The following BFSP1 variants were observed in gnomAD, a reference collection of about 807,000 sequenced individuals.
The protein encoded by BFSP1 is beaded filament structural protein 1, also known as filensin.
A neutral mutation model predicts 43.9 loss-of-function variants in BFSP1; 38 were observed. The observed-to-expected ratio is 0.87, with a 90% CI of 0.67 to 1.14. BFSP1 has a LOEUF of 1.14. Ranked by LOEUF, BFSP1 falls within the 50% of genes most tolerant of loss-of-function variation. The probability of loss-of-function intolerance (pLI) is 0.00; values close to 1 mark genes in which losing one functional copy is unlikely to be tolerated. For missense variants in BFSP1, 850 were observed against 875.1 expected (o/e 0.97, Z 0.36); for synonymous variants, 352 against 354.8 (o/e 0.99, Z 0.09).
chr20:17,520,210 G>GCGCCCCC (rs201615265), intron 2 of BFSP1, among the ~76,000 whole-genome samples: 3 of 133,356 alleles, frequency 2.2e-5, no homozygotes, highest in African/African-American at 8.9e-5. Context: ...GTTTTAACGT[G>GCGCCCCC]CCCCCCCACC....
rs373485156 is a variant in BFSP1, at chr20:17,507,272, GGT to G, written c.735+1615_735+1616del. 0.086 allele frequency among the ~76,000 whole-genome samples: 12,040 copies of G among 140,532 alleles called. 522 individuals are homozygous for G. Among genetic ancestry groups the G allele is most frequent in the African/African-American group, 0.11 (4,186 of 37,826 alleles). 92.2% of individuals were successfully genotyped at this position (140,532 alleles called of 152,430 possible). On this transcript the variant is annotated intron_variant, in intron 5 of 7. Coordinates refer to ENST00000377873, the MANE Select transcript of BFSP1 (RefSeq NM_001195.5). This position sits in a 1 kb window ranked among gnomAD's most constrained non-coding sequence, Gnocchi z 4.4. ...GCGAGCCATACACATCAGATAGGTA[GGT>G]GTGTGTGTGTGTGTGTGTGTGTGTG...
chr20:17,499,735 A>C (rs1316988160), intron 5 of BFSP1, among the ~76,000 whole-genome samples: 1 of 152,168 alleles, frequency 6.6e-6, no homozygotes, highest in East Asian at 1.9e-4. Flanking sequence ...CAGCCTGGCC[A>C]ACATAGTGAA....
intron 6 of BFSP1, among the ~76,000 whole-genome samples, chr20:17,497,459 TACAC>T (rs34512937): frequency 6.9e-6 from 1 of 144,932 alleles, no homozygotes; most frequent in African/African-American, 2.6e-5. Flanking sequence ...TATATATATA[TACAC>T]ACACACACGT....
At chr20:17,496,577 C>T (rs750232595) in intron 7 of BFSP1, among the ~76,000 whole-genome samples, 3 of 152,190 alleles carry the variant, frequency 2.0e-5, no homozygotes, top group South Asian at 2.1e-4. Flanking sequence ...TACTGCCGAG[C>T]GGAGGGAGCA....
At chr20:17,498,112 G>A (rs1218432405) in intron 6 of BFSP1, among the ~76,000 whole-genome samples, 1 of 152,196 alleles carries the variant, frequency 6.6e-6, no homozygotes. Context: ...TGCTCCTGGT[G>A]GGGACCTCAG....
intron 6 of BFSP1, among the ~76,000 whole-genome samples, chr20:17,498,388 G>A (rs2033706884): frequency 6.6e-6 from 1 of 152,182 alleles, no homozygotes; most frequent in Non-Finnish European, 1.5e-5. Context: ...GAGGATGGCA[G>A]CAGGAGCATC....
At chr20:17,568,474 C>G (rs569299099) in intron 1 of BFSP1, among the ~76,000 whole-genome samples, 1 of 152,018 alleles carries the variant, frequency 6.6e-6, no homozygotes, top group Non-Finnish European at 1.5e-5. Context: ...GGTTCCTTCT[C>G]AGTTCAGGAG....
chr20:17,539,219 A>T (rs60584985), intron 1 of BFSP1, among the ~76,000 whole-genome samples: 24,929 of 144,198 alleles, frequency 0.17, 2,991 homozygotes, highest in East Asian at 0.36. Flanking sequence ...CAAGCGACTC[A>T]CCCACCTCAG....
Position 17,524,847 on chromosome 20 carries a change from C to T in BFSP1, c.438+1G>A, listed in dbSNP as rs767722751. 5 of 1,613,850 alleles carry T rather than the reference C, an allele frequency of 3.1e-6. No individual in the cohort carries two copies. The highest frequency in any genetic ancestry group is 4.2e-6 in the Non-Finnish European group (5 of 1,179,852). ...TAAACCCAAGGATGTGTTCCGCTCA[C>T]CTTGTTAAGCCGTTCAAGCATTTCT... On this transcript the variant is annotated splice_donor_variant, in intron 2 of 7. Transcript: ENST00000377873. LOFTEE classifies it high-confidence loss of function.
intron 1 of BFSP1, among the ~76,000 whole-genome samples, chr20:17,551,162 T>C (rs917764992): frequency 6.6e-6 from 1 of 152,184 alleles, no homozygotes; most frequent in Non-Finnish European, 1.5e-5. Context: ...GGGTAATTTA[T>C]AAAGAAAAGA....
At chr20:17,499,733 C>T (rs879805887) in intron 5 of BFSP1, among the ~76,000 whole-genome samples, 1 of 152,066 alleles carries the variant, frequency 6.6e-6, no homozygotes, top group Admixed American at 6.6e-5. Context: ...ACCAGCCTGG[C>T]CAACATAGTG....
intron 4 of BFSP1, among the ~76,000 whole-genome samples, chr20:17,511,161 C>T (rs1411043612): frequency 6.6e-6 from 1 of 151,996 alleles, no homozygotes; most frequent in Non-Finnish European, 1.5e-5. Flanking sequence ...ATTCCATAAA[C>T]CATATTAGGA....
chr20:17,565,371 C>T (rs2035107631), intron 1 of BFSP1: 2 of 152,184 alleles, frequency 1.3e-5, no homozygotes, highest in Non-Finnish European at 2.9e-5. Flanking sequence ...AGTCTACCAG[C>T]TCATGTATGC....
rs1168638572 is a variant in BFSP1, at chr20:17,555,647, T to C, written c.2+3041A>G. On this transcript the variant is annotated intron_variant, in intron 1 of 7. Coordinates refer to the BFSP1 transcript ENST00000377868. ...CAGCCTGGGCAACAGAATGAGACCC[T>C]GTCTCAAAAAACAAAACAAAATAAA... 2.6e-5 allele frequency among the ~76,000 whole-genome samples: 4 copies of C among 152,242 alleles called. No individual in the cohort carries two copies. In the Middle Eastern group the frequency reaches 0.014, roughly 518 times the overall value.
At position 17,494,075 on chromosome 20, in the gene BFSP1, TAA is replaced by T. The variant is rs548358901; in HGVS notation, c.1995_1996del (p.Ter666LysfsTer8). The T allele has an allele frequency of 2.4e-3, 3,798 of 1,609,184 alleles. 13 individuals carry two copies. The highest frequency in any genetic ancestry group is 2.3e-3 in the Non-Finnish European group (2,732 of 1,177,106). ...TTTATCCCATCAAGCCTGGGCATTT[TAA>T]GAGCTCTTCTCTCCTGATTTCTTCT... is the stretch of plus-strand genomic sequence containing the variant. On this transcript the variant is annotated frameshift_variant and stop_lost, in exon 8 of 8. Coordinates refer to ENST00000377873, the MANE Select transcript of BFSP1 (RefSeq NM_001195.5). LOFTEE classifies it high-confidence loss of function.
At position 17,553,878 on chromosome 20, in the gene BFSP1, TATATATACACA is replaced by T. The variant is rs1568718253; in HGVS notation, c.2+4799_2+4809del. Among the ~76,000 whole-genome samples the T allele has an allele frequency of 4.4e-4, 59 of 134,814 alleles. 2 individuals are homozygous for T. Among genetic ancestry groups the T allele is most frequent in the Middle Eastern group, 8.0e-3 (2 of 250 alleles). 88.4% of individuals were successfully genotyped at this position (134,814 alleles called of 152,430 possible). ...ATATATACACATATATATACATATA[TATATATACACA>T]CATATATATTTCTGATGGCAAGTCT... On this transcript the variant is annotated intron_variant, in intron 1 of 7. Coordinates refer to the BFSP1 transcript ENST00000377868.
Position 17,506,525 on chromosome 20 carries a change from C to CT in BFSP1, c.735+2363dup, listed in dbSNP as rs572795949. Reference sequence around the variant, plus strand: ...ATAACTGTTTTAATATAATTAGTTTCTTTTTTTTTTTTTTTGGAAACGGGG... The same window carrying CT: ...ATAACTGTTTTAATATAATTAGTTTCTTTTTTTTTTTTTTTTGGAAACGGGG... On this transcript the variant is annotated intron_variant, in intron 5 of 7. Transcript: ENST00000377873. Among the ~76,000 whole-genome samples the CT allele has an allele frequency of 6.7e-3, 896 of 134,428 alleles. 6 individuals are homozygous for CT. The highest frequency in any genetic ancestry group is 0.024 in the East Asian group (115 of 4,806). The allele number at this position is 134,428 out of a possible 152,430, so 88.2% of individuals were successfully genotyped here.
At chr20:17,524,992 CT>C in intron 1 of BFSP1, 84 bp from the exon 2 acceptor site, 1 of 1,229,666 alleles carries the variant, frequency 8.1e-7, no homozygotes, top group Non-Finnish European at 1.2e-6. Context: ...TAAATTCAAC[CT>C]GGGTACGATG....
chr20:17,542,242 T>C (rs1453483287), intron 1 of BFSP1, among the ~76,000 whole-genome samples: 1 of 147,448 alleles, frequency 6.8e-6, no homozygotes, highest in Non-Finnish European at 1.5e-5. Flanking sequence ...ACGGTGAGAG[T>C]ATCTACACCA....
Sources: gnomAD v4.1 joint callset for allele counts (sites outside exome capture counted in the v4.1 genomes callset) on GRCh38, gnomAD v4.1.1 for gene constraint, Gnocchi (gnomAD v3.1) non-coding constraint, MANE v1.5 for transcripts, NCBI Gene and HGNC (gene_info 2026-07-23, HGNC 2026-07-21) for gene names.